ANKRD31: variants seen among roughly 807,000 people sequenced by gnomAD.
The protein encoded by ANKRD31 is ankyrin repeat domain-containing protein 31.
Under a neutral mutation model 186.0 loss-of-function variants are expected in ANKRD31, and 147 were observed. That is an observed-to-expected ratio of 0.79 (90% CI 0.69 to 0.91). The LOEUF (loss-of-function observed/expected upper bound fraction) is 0.91, where lower values mean the gene tolerates loss of function less well. Ranked by LOEUF, ANKRD31 falls within the 40% of genes least tolerant of loss-of-function variation. The pLI is 0.00. For synonymous variants in ANKRD31, 673 were observed against 736.4 expected, an observed-to-expected ratio of 0.91 and a Z score of 1.39; for missense variants, 1,986 against 2,148.8, an observed-to-expected ratio of 0.92 and a Z score of 1.50.
intron 21 of ANKRD31, among the ~76,000 whole-genome samples, chr5:75,106,546 A>T (rs1747342975): frequency 6.6e-6 from 1 of 152,110 alleles, no homozygotes; most frequent in South Asian, 2.1e-4. Context: ...TCAGACACAA[A>T]ACTTAAGATT....
intron 9 of ANKRD31, among the ~76,000 whole-genome samples, chr5:75,192,361 T>G (rs982031028): frequency 6.6e-6 from 1 of 152,138 alleles, no homozygotes; most frequent in Non-Finnish European, 1.5e-5. Context: ...CCTTTATTCC[T>G]CCTGATATGC....
intron 23 of ANKRD31, among the ~76,000 whole-genome samples, chr5:75,087,507 A>G (rs1166055261): frequency 6.6e-6 from 1 of 151,918 alleles, no homozygotes; most frequent in Non-Finnish European, 1.5e-5. Flanking sequence ...ACTCTGGCTC[A>G]AAAAGAAAAA....
Position 75,146,512 on chromosome 5 carries a change from G to T in ANKRD31, c.2899C>A (p.Pro967Thr), listed in dbSNP as rs912955195. 32 of 1,536,532 alleles carry T rather than the reference G, an allele frequency of 2.1e-5. No individual in the cohort carries two copies. Among genetic ancestry groups the T allele is most frequent in the Non-Finnish European group, 2.8e-5 (32 of 1,146,474 alleles). ...ELKAVSLTTL[P>T]EQEAVNFSYS... ...GAAAAATTAACAGCTTCCTGTTCTG[G>T]AAGTGTGGTTAGGCTGACTGCTTTT... Residue 967 changes from proline to threonine, a missense_variant, in exon 14 of 26, where the codon CCA becomes ACA. Pro to Thr is a conservative substitution (Grantham distance 38). Transcript: ENST00000506364.
In ANKRD31 at chr5:75,104,642, G is replaced by T. The variant is rs1350953214; in HGVS notation, c.4917C>A (p.Ile1639=). 4 of 1,536,024 alleles carry T rather than the reference G, an allele frequency of 2.6e-6. No homozygotes were observed. The highest frequency in any genetic ancestry group is 2.4e-5 in the East Asian group (1 of 40,904). ...CAGTTTCTGAAATATTTAATTTGCCGATTACTGGGGAAGAAACATAGAATT... is the reference window on the plus strand; with the variant it reads ...CAGTTTCTGAAATATTTAATTTGCCTATTACTGGGGAAGAAACATAGAATT... ...DHEFYVSSPV[I]GKLNISETAS... is the part of the protein sequence containing the mutation. The change falls in exon 22 of 26, where the codon ATC becomes ATA. Residue 1639 remains isoleucine, a synonymous_variant. Transcript: ENST00000506364.
intron 22 of ANKRD31, among the ~76,000 whole-genome samples, chr5:75,099,507 T>C (rs1203163356): frequency 6.6e-6 from 1 of 152,242 alleles, no homozygotes; most frequent in Non-Finnish European, 1.5e-5. Context: ...GAAGGAATGA[T>C]ACCAGCTCCT....
intron 5 of ANKRD31, among the ~76,000 whole-genome samples, chr5:75,205,896 G>A (rs1233366788): frequency 6.6e-6 from 1 of 151,888 alleles, no homozygotes; most frequent in African/African-American, 2.4e-5. Context: ...CTGTGTGACT[G>A]CCAGTCAAGA....
chr5:75,128,006 TA>T (rs1475087173), intron 17 of ANKRD31, among the ~76,000 whole-genome samples: 1 of 152,254 alleles, frequency 6.6e-6, no homozygotes, highest in African/African-American at 2.4e-5. Flanking sequence ...TAAATTATTT[TA>T]TCATGTCATA....
chr5:75,169,602 C>T (rs1428483931), intron 10 of ANKRD31, among the ~76,000 whole-genome samples: 1 of 152,114 alleles, frequency 6.6e-6, no homozygotes, highest in African/African-American at 2.4e-5. Flanking sequence ...TTTAACAAAC[C>T]ACAAACTGCT....
At chr5:75,092,090 G>C (rs947646656) in intron 22 of ANKRD31, among the ~76,000 whole-genome samples, 1 of 152,194 alleles carries the variant, frequency 6.6e-6, no homozygotes, top group African/African-American at 2.4e-5. Flanking sequence ...CAGGGATTCT[G>C]CCTGAGAAGA....
At chr5:75,235,997 C>G (rs2150330302) in intron 1 of ANKRD31, among the ~76,000 whole-genome samples, 1 of 152,334 alleles carries the variant, frequency 6.6e-6, no homozygotes, top group East Asian at 1.9e-4. Flanking sequence ...AAGTCCCAGA[C>G]ACAGCCCTGA....
At chr5:75,165,747 A>G (rs1192849553) in intron 11 of ANKRD31, among the ~76,000 whole-genome samples, 2 of 152,232 alleles carry the variant, frequency 1.3e-5, no homozygotes, top group African/African-American at 4.8e-5. Flanking sequence ...GGGAAATTCT[A>G]TAGGACAAAT....
At chr5:75,176,569 G>T (rs1718717874) in intron 10 of ANKRD31, among the ~76,000 whole-genome samples, 1 of 152,164 alleles carries the variant, frequency 6.6e-6, no homozygotes, top group African/African-American at 2.4e-5. Flanking sequence ...AGCATTTGTG[G>T]TTCACCAATA....
Position 75,169,079 on chromosome 5 carries a change from C to T in ANKRD31, c.1607G>A (p.Arg536Gln), listed in dbSNP as rs897746788. The T allele has an allele frequency of 1.4e-5, 21 of 1,536,788 alleles. No individual in the cohort carries two copies. The highest frequency in any genetic ancestry group is 1.3e-4 in the South Asian group (11 of 84,022). Residue 536 changes from arginine to glutamine, a missense_variant, in exon 11 of 26, where the codon CGG (arginine) becomes CAG (glutamine). Coordinates refer to ENST00000506364, the MANE Select transcript of ANKRD31 (RefSeq NM_001372053.1). Reference protein sequence around the residue: ...LHEASVGGFYRTASELLKGGA... With the variant: ...LHEASVGGFYQTASELLKGGA... ...ACCTTTTAATAGTTCACTTGCTGTC[C>T]GATAAAATCCTCCTACACTAGCTTC...
rs149054419 is a variant in ANKRD31, at chr5:75,153,746, A to T, written c.1852+455T>A. 8.5e-5 allele frequency among the ~76,000 whole-genome samples: 13 copies of T among 152,270 alleles called. No homozygotes were observed. The East Asian group carries it at 2.5e-3, about 29-fold the overall frequency. On this transcript the variant is annotated intron_variant, in intron 12 of 25. Coordinates refer to ENST00000506364, the MANE Select transcript of ANKRD31 (RefSeq NM_001372053.1). ...CATGTATTTAAATTATGTTTACATA[A>T]TTTTTTATTGAAAACTATAGATCAA...
At chr5:75,136,136 T>G (rs1006280812) in intron 17 of ANKRD31, among the ~76,000 whole-genome samples, 5 of 152,114 alleles carry the variant, frequency 3.3e-5, no homozygotes, top group Admixed American at 1.3e-4. Flanking sequence ...CCAAAAGCAA[T>G]GGCAACAAAA....
Position 75,147,066 on chromosome 5 carries a change from T to G in ANKRD31, c.2345A>C (p.Glu782Ala). The part of the protein sequence containing the change: ...THNDLPEELC[E>A]PSSLTLSSLR... ...GCTTGACAGAGTTAAGCTGGAAGGTTCACACAATTCTTCTGGAAGGTCATT... is the reference window on the plus strand; with the variant it reads ...GCTTGACAGAGTTAAGCTGGAAGGTGCACACAATTCTTCTGGAAGGTCATT... The change falls in exon 14 of 26, where the codon GAA (glutamate) becomes GCA (alanine). Residue 782 changes from glutamate (E) to alanine (A), a missense_variant. By Grantham distance (107) the Glu-to-Ala change is moderately radical (BLOSUM62 -1). Coordinates refer to ENST00000506364, the MANE Select transcript of ANKRD31 (RefSeq NM_001372053.1). The G allele has an allele frequency of 6.5e-7, 1 of 1,536,378 alleles. No individual in the cohort carries two copies.
intron 12 of ANKRD31, among the ~76,000 whole-genome samples, chr5:75,150,600 C>T (rs1473956674): frequency 6.6e-6 from 1 of 151,808 alleles, no homozygotes. Context: ...GGAGCTTAGT[C>T]CTATGGAGAA....
chr5:75,071,492 G>A (rs1041179627), intron 25 of ANKRD31, among the ~76,000 whole-genome samples: 1 of 137,282 alleles, frequency 7.3e-6, no homozygotes, highest in African/African-American at 2.7e-5. Flanking sequence ...GAGAAAAGCT[G>A]TTTTGTTTTT....
chr5:75,172,011 T>A (rs560701132), intron 10 of ANKRD31, among the ~76,000 whole-genome samples: 67 of 151,944 alleles, frequency 4.4e-4, no homozygotes, highest in African/African-American at 1.4e-3. Flanking sequence ...ATAGATTTTT[T>A]AAAATCCTTA....
Sources: gnomAD v4.1 joint callset for allele counts (sites outside exome capture counted in the v4.1 genomes callset) on GRCh38, gnomAD v4.1.1 for gene constraint, MANE v1.5 for transcripts, NCBI Gene and HGNC (gene_info 2026-07-23, HGNC 2026-07-21) for gene names.